LPIN1: variants seen among roughly 807,000 people sequenced by gnomAD.
LPIN1 encodes the protein lipin 1.
Under a neutral mutation model 107.5 loss-of-function variants are expected in LPIN1, and 71 were observed. That is an observed-to-expected ratio of 0.66 (90% CI 0.55 to 0.80). The LOEUF is 0.80. LPIN1 is among the 30% of genes least tolerant of loss of function. The pLI, the probability that LPIN1 is intolerant of heterozygous loss-of-function variation, is 0.00. For missense variants in LPIN1, 1,043 were observed against 1,160.6 expected, an observed-to-expected ratio of 0.90 and a Z score of 1.47; for synonymous variants, 445 against 452.6, an observed-to-expected ratio of 0.98 and a Z score of 0.21.
chr2:11,779,326 C>T (rs1256383160), intron 6 of LPIN1, among the ~76,000 whole-genome samples, 193 bp from the exon 7 acceptor site: 1 of 152,206 alleles, frequency 6.6e-6, no homozygotes, highest in East Asian at 1.9e-4. Flanking sequence ...GGGCGACCCA[C>T]GTGGAGCGCC....
chr2:11,781,294 C>T (rs1673532325), intron 7 of LPIN1, among the ~76,000 whole-genome samples: 1 of 152,208 alleles, frequency 6.6e-6, no homozygotes, highest in Non-Finnish European at 1.5e-5. Flanking sequence ...ATGGTGCTGA[C>T]CCAGCCAACT....
intron 12 of LPIN1, chr2:11,791,672 T>C: frequency 7.5e-7 from 1 of 1,334,208 alleles, no homozygotes; most frequent in Non-Finnish European, 9.8e-7. Flanking sequence ...TTGTATTTTA[T>C]TTGTTGTTTG....
intron 14 of LPIN1, among the ~76,000 whole-genome samples, chr2:11,801,037 A>G (rs1677632702): frequency 6.6e-6 from 1 of 152,232 alleles, no homozygotes; most frequent in South Asian, 2.1e-4. Flanking sequence ...GAAAGTGCAA[A>G]TCAAAACCAC....
At position 11,773,601 on chromosome 2, in the gene LPIN1, CTTT is replaced by C; in HGVS notation, c.597-10_597-8del. 1.6e-6 allele frequency: 2 copies of C among 1,235,614 alleles called. No homozygotes were observed. The highest frequency in any genetic ancestry group is 1.1e-6 in the Non-Finnish European group (1 of 890,288). The allele number at this position is 1,235,614 out of a possible 1,614,324, so 76.5% of individuals were successfully genotyped here. The stretch of plus-strand genomic sequence containing the variant: ...TCATTAAGAATTCTTTGACTTTAAT[CTTT>C]TTTTTTTTCCTCCAGAACTCTTCCT... On this transcript the variant is annotated splice_polypyrimidine_tract_variant and intron_variant, in intron 4 of 20. Transcript: ENST00000674199.
intron 1 of LPIN1, among the ~76,000 whole-genome samples, chr2:11,728,751 CT>C (rs1325568675): frequency 6.6e-6 from 1 of 152,002 alleles, no homozygotes; most frequent in African/African-American, 2.4e-5. Context: ...TAACTAAATA[CT>C]TTTATAATTC....
chr2:11,740,742 G>T (rs1011873936), intron 1 of LPIN1, among the ~76,000 whole-genome samples: 3 of 140,008 alleles, frequency 2.1e-5, no homozygotes, highest in Non-Finnish European at 4.8e-5. Context: ...AAGAAAGAAA[G>T]AAAGAAAAGA....
rs894453795 is a variant in LPIN1, at chr2:11,771,755, T to C, written c.596+76T>C. 7.4e-5 allele frequency: 104 copies of C among 1,411,006 alleles called. No homozygotes were observed. The African/African-American group carries it at 1.0e-3, about 14-fold the overall frequency. 87.4% of individuals were successfully genotyped at this position (1,411,006 alleles called of 1,614,324 possible). A position where few individuals can be genotyped will look rare whatever the true frequency, so the allele number is the denominator to read the frequency against. Reference sequence around the variant, plus strand: ...GTTCAAGATTATTTTTATGAACTTTTCCCCCATAATTCCTTATTCTTTTAT... The same window carrying C: ...GTTCAAGATTATTTTTATGAACTTTCCCCCCATAATTCCTTATTCTTTTAT... On this transcript the variant is annotated intron_variant, in intron 4 of 20. Transcript: ENST00000674199. The surrounding 1 kb of genome is among the most constrained non-coding windows in gnomAD (Gnocchi z 4.8).
intron 1 of LPIN1, chr2:11,682,446 C>T (rs567808105): frequency 1.5e-3 from 237 of 152,974 alleles, no homozygotes; most frequent in Middle Eastern, 3.4e-3. Context: ...GCACAGACGC[C>T]GATCTTCAAT....
At chr2:11,764,303 C>T (rs1008198679) in intron 1 of LPIN1, 6 of 151,942 alleles carry the variant, frequency 3.9e-5, no homozygotes, top group South Asian at 2.1e-4. Flanking sequence ...TGTACCACCA[C>T]GCACAGCTAA....
At chr2:11,695,934 A>G (rs7598255) in intron 1 of LPIN1, among the ~76,000 whole-genome samples, 21,715 of 151,812 alleles carry the variant, frequency 0.14, 4,664 homozygotes, top group African/African-American at 0.47. Flanking sequence ...GTTTTGAAGT[A>G]TAACTGATAA....
chr2:11,739,748 G>C (rs189677803), intron 1 of LPIN1, among the ~76,000 whole-genome samples: 1 of 152,284 alleles, frequency 6.6e-6, no homozygotes, highest in African/African-American at 2.4e-5. Context: ...CAAAGAAGCA[G>C]GATAATATGA....
Position 11,769,149 on chromosome 2 carries a change from G to C in LPIN1, c.288+1291G>C, listed in dbSNP as rs535085299. 2.0e-5 allele frequency among the ~76,000 whole-genome samples: 3 copies of C among 152,352 alleles called. No individual in the cohort carries two copies. The South Asian group carries it at 6.2e-4, about 32-fold the overall frequency. On this transcript the variant is annotated intron_variant, in intron 3 of 20. Transcript: ENST00000674199. ...TTAACATTTGAGGAACTGCCAGACT[G>C]TGTTACAAAGCAGCTGTTCCATTTT... is the stretch of plus-strand genomic sequence containing the variant.
chr2:11,815,817 C>A (rs1339212203), intron 18 of LPIN1, among the ~76,000 whole-genome samples: 1 of 152,120 alleles, frequency 6.6e-6, no homozygotes, highest in African/African-American at 2.4e-5. Flanking sequence ...TTTCTGATTA[C>A]CTTCCTCCCT....
At chr2:11,742,695 C>T (rs1161762289), upstream of LPIN1, among the ~76,000 whole-genome samples, 1 of 152,378 alleles carries the variant, frequency 6.6e-6, no homozygotes, top group Non-Finnish European at 1.5e-5. Flanking sequence ...TCTCTTTCTT[C>T]TTTCCTGCCT....
intron 1 of LPIN1, among the ~76,000 whole-genome samples, chr2:11,728,231 A>T (rs567830222): frequency 3.3e-5 from 5 of 152,324 alleles, no homozygotes; most frequent in Admixed American, 3.3e-4. Context: ...TCCACATCAC[A>T]GTTCCGTGCT....
chr2:11,775,252 C>G (rs576004116), intron 5 of LPIN1, among the ~76,000 whole-genome samples: 65 of 152,214 alleles, frequency 4.3e-4, no homozygotes, highest in South Asian at 1.2e-3. Flanking sequence ...CTCATTCTTT[C>G]TCTAGGTCTG....
intron 8 of LPIN1, 32 bp from the exon 9 acceptor site, chr2:11,783,797 G>C (rs1673979531): frequency 1.9e-6 from 3 of 1,564,044 alleles, no homozygotes; most frequent in African/African-American, 1.3e-5. Flanking sequence ...CTAGAAGAGT[G>C]GTTTTCTGAC....
upstream of LPIN1, among the ~76,000 whole-genome samples, chr2:11,744,373 G>A (rs1481548691): frequency 6.6e-6 from 1 of 152,208 alleles, no homozygotes; most frequent in African/African-American, 2.4e-5. Context: ...GTCCGGTTTC[G>A]TTTATCGCCT....
chr2:11,705,226 C>T (rs1386445744), intron 1 of LPIN1, among the ~76,000 whole-genome samples: 1 of 152,206 alleles, frequency 6.6e-6, no homozygotes, highest in Non-Finnish European at 1.5e-5. Context: ...ACCCATCCCC[C>T]AACACTTTAG....
Sources: gnomAD v4.1 joint callset for allele counts (sites outside exome capture counted in the v4.1 genomes callset) on GRCh38, gnomAD v4.1.1 for gene constraint, Gnocchi (gnomAD v3.1) non-coding constraint, MANE v1.5 for transcripts, NCBI Gene and HGNC (gene_info 2026-07-23, HGNC 2026-07-21) for gene names.